ERBB4: variants seen among roughly 807,000 people sequenced by gnomAD.
ERBB4 encodes the protein receptor tyrosine-protein kinase erbB-4.
In ERBB4, 42 loss-of-function variants were observed where a neutral mutation model predicts 158.0. The observed-to-expected ratio is 0.27, with a 90% CI of 0.21 to 0.34. The LOEUF (loss-of-function observed/expected upper bound fraction) is 0.34. Among genes scored for constraint, ERBB4 ranks in the 10% least tolerant of loss-of-function variants. The pLI, the probability that ERBB4 is intolerant of heterozygous loss-of-function variation, is 1.00. For synonymous variants in ERBB4, 583 were observed against 558.7 expected, an observed-to-expected ratio of 1.04 and a Z score of -0.61; for missense variants, 1,333 against 1,624.1, an observed-to-expected ratio of 0.82 and a Z score of 3.08.
At chr2:212,319,417 T>C (rs571651033) in intron 1 of ERBB4, among the ~76,000 whole-genome samples, 9 of 150,648 alleles carry the variant, frequency 6.0e-5, no homozygotes, top group Admixed American at 2.0e-4. Context: ...GTTTATCTTC[T>C]TGCTTTGAGG....
At chr2:211,934,585 C>A (rs978710256) in intron 3 of ERBB4, among the ~76,000 whole-genome samples, 2 of 151,778 alleles carry the variant, frequency 1.3e-5, no homozygotes, top group African/African-American at 2.4e-5. Context: ...ACAAAAAATT[C>A]TCTAAAAAAT....
intron 25 of ERBB4, among the ~76,000 whole-genome samples, chr2:211,401,350 A>T (rs2063038394): frequency 6.6e-6 from 1 of 151,970 alleles, no homozygotes; most frequent in Non-Finnish European, 1.5e-5. Flanking sequence ...AGAAATTCAC[A>T]TTTTTTACAG....
intron 2 of ERBB4, among the ~76,000 whole-genome samples, chr2:212,024,628 T>C (rs1465543691): frequency 6.6e-6 from 1 of 151,938 alleles, no homozygotes; most frequent in Non-Finnish European, 1.5e-5. Flanking sequence ...CTTTTTCTTT[T>C]ACTGACAGTC....
At chr2:212,348,467 T>C (rs1367132732) in intron 1 of ERBB4, among the ~76,000 whole-genome samples, 1 of 152,108 alleles carries the variant, frequency 6.6e-6, no homozygotes, top group Non-Finnish European at 1.5e-5. Context: ...TTACAGCTAA[T>C]AATGAGAAAC....
intron 1 of ERBB4, among the ~76,000 whole-genome samples, chr2:212,154,683 C>A (rs1051166627): frequency 2.0e-5 from 3 of 152,036 alleles, no homozygotes; most frequent in African/African-American, 7.2e-5. Context: ...GCCTGCTCTG[C>A]AATGTGTTAT....
intron 20 of ERBB4, among the ~76,000 whole-genome samples, chr2:211,498,268 T>C (rs189115454): frequency 5.3e-5 from 8 of 152,226 alleles, no homozygotes; most frequent in Non-Finnish European, 1.2e-4. Context: ...TCTCGTTACA[T>C]AGAATGAGTG....
chr2:212,304,599 A>G (rs1436175951), intron 1 of ERBB4, among the ~76,000 whole-genome samples: 1 of 151,510 alleles, frequency 6.6e-6, no homozygotes, highest in Non-Finnish European at 1.5e-5. Flanking sequence ...AAAAGCATCA[A>G]TGAGCATTTG....
At chr2:211,443,612 C>T (rs567173243) in intron 20 of ERBB4, among the ~76,000 whole-genome samples, 44 of 152,072 alleles carry the variant, frequency 2.9e-4, no homozygotes, top group Non-Finnish European at 6.2e-4. Flanking sequence ...ATTTTTAACC[C>T]ATTCCTGTTT....
At position 211,905,646 on chromosome 2, in the gene ERBB4, T is replaced by TTATATATA. The variant is rs1559632839; in HGVS notation, c.421+41783_421+41784insTATATATA. ...ATGAAGAGCAGTAAAGTAGGAAGGATCATATATATATATATATATATATAT... is the reference window on the plus strand; with the variant it reads ...ATGAAGAGCAGTAAAGTAGGAAGGATTATATATACATATATATATATATATATATATAT... On this transcript the variant is annotated intron_variant, in intron 3 of 27. Transcript: ENST00000342788. 1.2e-4 allele frequency among the ~76,000 whole-genome samples: 3 copies of TTATATATA among 25,142 alleles called. No individual in the cohort carries two copies. The East Asian group carries it at 3.5e-3, about 29-fold the overall frequency. The allele number at this position is 25,142 out of a possible 152,430, so 16.5% of individuals were successfully genotyped here.
intron 4 of ERBB4, among the ~76,000 whole-genome samples, chr2:211,783,324 T>C (rs1053090932): frequency 6.6e-5 from 10 of 152,226 alleles, no homozygotes; most frequent in African/African-American, 1.9e-4. Flanking sequence ...ACGGGACAAT[T>C]AGACTTCCTC....
intron 14 of ERBB4, among the ~76,000 whole-genome samples, chr2:211,672,766 A>G (rs1354640159): frequency 3.9e-5 from 6 of 152,140 alleles, no homozygotes; most frequent in Non-Finnish European, 8.8e-5. Flanking sequence ...ACTTCTCTAT[A>G]GCCTATCTTG....
intron 1 of ERBB4, among the ~76,000 whole-genome samples, chr2:212,512,411 G>A (rs905427758): frequency 2.0e-5 from 3 of 151,680 alleles, no homozygotes; most frequent in Non-Finnish European, 2.9e-5. Flanking sequence ...TGTGTTGTCA[G>A]GAATGTGTAA....
intron 1 of ERBB4, among the ~76,000 whole-genome samples, chr2:212,274,825 A>G (rs2085468638): frequency 6.6e-6 from 1 of 151,768 alleles, no homozygotes; most frequent in African/African-American, 2.4e-5. Context: ...CAGAACATGC[A>G]GGTTTGTTAC....
At chr2:212,036,711 G>T (rs1428695992) in intron 2 of ERBB4, among the ~76,000 whole-genome samples, 1 of 151,988 alleles carries the variant, frequency 6.6e-6, no homozygotes, top group Non-Finnish European at 1.5e-5. Context: ...TGATCCTCCC[G>T]CCTCGGCCTG....
At chr2:211,994,537 T>C (rs1347644168) in intron 2 of ERBB4, among the ~76,000 whole-genome samples, 1 of 152,232 alleles carries the variant, frequency 6.6e-6, no homozygotes, top group Non-Finnish European at 1.5e-5. Context: ...TATAGTTTGA[T>C]TTTTTATATT....
intron 25 of ERBB4, among the ~76,000 whole-genome samples, chr2:211,413,003 A>T (rs2063296850): frequency 1.3e-5 from 2 of 151,622 alleles, no homozygotes; most frequent in African/African-American, 4.8e-5. Context: ...AATTTAAAAA[A>T]TTTCTACTTA....
chr2:211,964,049 C>A (rs2081250799), intron 2 of ERBB4, among the ~76,000 whole-genome samples: 1 of 152,144 alleles, frequency 6.6e-6, no homozygotes, highest in South Asian at 2.1e-4. Context: ...TGAAAGGAAA[C>A]TGGACAAAGA....
chr2:211,679,102 G>A lies in ERBB4; in HGVS notation c.1572C>T (p.Arg524=), dbSNP rs2105959373. ...GPGPDQCLSC[R]RFSRGRICIE... ...TGCAGATCCTTCCTCTACTGAAGCGGCGACACGACAGACATTGGTCTGGCC... is the reference window on the plus strand; with the variant it reads ...TGCAGATCCTTCCTCTACTGAAGCGACGACACGACAGACATTGGTCTGGCC... Residue 524 remains arginine, a synonymous_variant, in exon 13 of 28, where the codon CGC becomes CGT. Transcript: ENST00000342788. The A allele has an allele frequency of 6.2e-7, 1 of 1,613,720 alleles. No homozygotes were observed. Among genetic ancestry groups the A allele is most frequent in the South Asian group, 1.1e-5 (1 of 91,038 alleles).
chr2:212,070,488 C>T (rs1272598540), intron 2 of ERBB4, among the ~76,000 whole-genome samples: 1 of 151,992 alleles, frequency 6.6e-6, no homozygotes, highest in East Asian at 1.9e-4. Context: ...TAAGATAATA[C>T]ACATATAAAT....
Sources: gnomAD v4.1 joint callset for allele counts (sites outside exome capture counted in the v4.1 genomes callset) on GRCh38, gnomAD v4.1.1 for gene constraint, MANE v1.5 for transcripts, NCBI Gene and HGNC (gene_info 2026-07-23, HGNC 2026-07-21) for gene names.